The following TIMD4 variants were observed in gnomAD, a reference collection of about 807,000 sequenced individuals.
TIMD4 encodes T-cell immunoglobulin and mucin domain-containing protein 4.
TIMD4 carries 31 observed loss-of-function variants against 41.2 expected under a neutral mutation model. The ratio of observed to expected loss-of-function variants is 0.75; its 90% CI spans 0.57 to 1.01. The LOEUF is 1.01. Ranked by LOEUF, TIMD4 falls within the 50% of genes least tolerant of loss-of-function variation. The probability of loss-of-function intolerance (pLI) is 0.00; values close to 1 mark genes in which losing one functional copy is unlikely to be tolerated. For missense variants in TIMD4, 479 were observed against 472.5 expected, an observed-to-expected ratio of 1.01 and a Z score of -0.13; for synonymous variants, 204 against 177.1, an observed-to-expected ratio of 1.15 and a Z score of -1.21.
intron 1 of TIMD4, 105 bp from the exon 2 acceptor site, chr5:156,954,861 G>A (rs1759942373): frequency 4.1e-6 from 4 of 970,974 alleles, no homozygotes; most frequent in Non-Finnish European, 6.0e-6. Flanking sequence ...GAAGAAAGCT[G>A]TAGTCTATGT....
At position 156,922,117 on chromosome 5, in the gene TIMD4, C is replaced by G; in HGVS notation, c.994G>C (p.Val332Leu). Residue 332 changes from valine to leucine, a missense_variant, in exon 7 of 9, where the codon GTG becomes CTG. Coordinates refer to ENST00000274532, the MANE Select transcript of TIMD4 (RefSeq NM_138379.3). Reference sequence around the variant, plus strand: ...TCCTTACCTCTCAGGAGAAACGCCACAAACAATGCGAAGAGCACAAATCCC... The same window carrying G: ...TCCTTACCTCTCAGGAGAAACGCCAGAAACAATGCGAAGAGCACAAATCCC... ...SLGFVLFALFVAFLLRGKLME... is the reference protein window; with the variant it reads ...SLGFVLFALFLAFLLRGKLME... 6.2e-7 allele frequency: 1 copy of G among 1,613,842 alleles called. No individual in the cohort carries two copies. The highest frequency in any genetic ancestry group is 8.5e-7 in the Non-Finnish European group (1 of 1,179,888).
At chr5:156,950,911 CA>C (rs1401288076) in intron 3 of TIMD4, among the ~76,000 whole-genome samples, 1 of 151,762 alleles carries the variant, frequency 6.6e-6, no homozygotes, top group East Asian at 1.9e-4. Context: ...TTGGAGAACC[CA>C]AAATGCTGAC....
chr5:156,953,775 G>A (rs904962864), intron 2 of TIMD4, among the ~76,000 whole-genome samples: 2 of 152,042 alleles, frequency 1.3e-5, no homozygotes, highest in African/African-American at 4.8e-5. Flanking sequence ...ACTGATGCAG[G>A]TGGAATACAG....
At chr5:156,946,077 A>G (rs965412662) in intron 5 of TIMD4, among the ~76,000 whole-genome samples, 1 of 152,238 alleles carries the variant, frequency 6.6e-6, no homozygotes, top group African/African-American at 2.4e-5. Flanking sequence ...AATGAAAACT[A>G]TAAAGAAGCT....
intron 2 of TIMD4, 39 bp from the exon 3 acceptor site, chr5:156,951,829 A>C: frequency 6.2e-7 from 1 of 1,609,934 alleles, no homozygotes. Context: ...CCAAGCGGAG[A>C]TGGAGGAAAA....
At chr5:156,936,880 C>T (rs895515410) in intron 5 of TIMD4, among the ~76,000 whole-genome samples, 1 of 148,018 alleles carries the variant, frequency 6.8e-6, no homozygotes, top group Admixed American at 6.8e-5. Context: ...TGCAGTGAGC[C>T]GAGATGGCGC....
intron 1 of TIMD4, among the ~76,000 whole-genome samples, chr5:156,959,995 A>T (rs1752501707): frequency 6.6e-6 from 1 of 152,062 alleles, no homozygotes; most frequent in African/African-American, 2.4e-5. Flanking sequence ...GTGAGCCGAG[A>T]TTGCACCATT....
intron 5 of TIMD4, among the ~76,000 whole-genome samples, chr5:156,934,419 C>G (rs865869829): frequency 1.2e-4 from 18 of 152,118 alleles, no homozygotes; most frequent in Middle Eastern, 3.4e-3. Flanking sequence ...CCACACCTAG[C>G]TAGTGTGTGT....
intron 5 of TIMD4, among the ~76,000 whole-genome samples, chr5:156,934,597 A>C (rs1031557896): frequency 6.6e-6 from 1 of 152,108 alleles, no homozygotes; most frequent in South Asian, 2.1e-4. Context: ...TGGCCAAATT[A>C]TCACATTTAA....
At chr5:156,949,132 G>T (rs1002075996) in intron 4 of TIMD4, among the ~76,000 whole-genome samples, 9 of 152,160 alleles carry the variant, frequency 5.9e-5, no homozygotes, top group African/African-American at 2.2e-4. Flanking sequence ...TTATTTCAGG[G>T]TATACCCCGT....
At chr5:156,932,902 G>T (rs563285756) in intron 5 of TIMD4, among the ~76,000 whole-genome samples, 3 of 152,064 alleles carry the variant, frequency 2.0e-5, no homozygotes, top group African/African-American at 7.2e-5. Context: ...TACTCCGGAG[G>T]TTGAGGCAAG....
chr5:156,947,217 A>G (rs944802234), intron 5 of TIMD4, among the ~76,000 whole-genome samples: 1 of 147,586 alleles, frequency 6.8e-6, no homozygotes. Context: ...ATAAAATAGA[A>G]AGAAAGAAAA....
chr5:156,923,577 G>T (rs892991316), intron 6 of TIMD4, among the ~76,000 whole-genome samples: 9 of 150,166 alleles, frequency 6.0e-5, no homozygotes, highest in Non-Finnish European at 1.0e-4. Flanking sequence ...TCTTGCTCTT[G>T]CCCAGGCTGG....
intron 5 of TIMD4, among the ~76,000 whole-genome samples, chr5:156,944,070 A>T (rs1038858784): frequency 6.6e-6 from 1 of 151,910 alleles, no homozygotes; most frequent in African/African-American, 2.4e-5. Context: ...CAAAAAAAAA[A>T]AAAGAAATAA....
intron 5 of TIMD4, among the ~76,000 whole-genome samples, chr5:156,940,149 G>T (rs1759614669): frequency 6.6e-6 from 1 of 152,230 alleles, no homozygotes; most frequent in East Asian, 1.9e-4. Flanking sequence ...GTGGAGACGG[G>T]GTTTCGCCCT....
intron 5 of TIMD4, among the ~76,000 whole-genome samples, chr5:156,943,709 G>A (rs1241792871): frequency 1.3e-5 from 2 of 152,008 alleles, no homozygotes; most frequent in African/African-American, 4.8e-5. Flanking sequence ...GAGGCCTTTT[G>A]GGAGAAACTG....
At chr5:156,938,361 A>G (rs891854459) in intron 5 of TIMD4, among the ~76,000 whole-genome samples, 2 of 152,028 alleles carry the variant, frequency 1.3e-5, no homozygotes, top group African/African-American at 2.4e-5. Flanking sequence ...TGATTTCTTG[A>G]CCCCACTGCC....
Position 156,951,632 on chromosome 5 carries a change from T to C in TIMD4, c.559A>G (p.Thr187Ala), listed in dbSNP as rs1197834080. 2 of 1,614,100 alleles carry C rather than the reference T, an allele frequency of 1.2e-6. No individual in the cohort carries two copies. Among genetic ancestry groups the C allele is most frequent in the South Asian group, 2.2e-5 (2 of 91,066 alleles). ...TTTGCTGTTGTGAAGACGGCAATGG[T>C]TGTCATCTGGAGTGGTGTTCCGGTT... The part of the protein sequence containing the change: ...LTTGTPLQMT[T>A]IAVFTTANTC... Residue 187 changes from threonine to alanine, a missense_variant, in exon 3 of 9, where the codon ACC (threonine) becomes GCC (alanine). Coordinates refer to ENST00000274532, the MANE Select transcript of TIMD4 (RefSeq NM_138379.3).
intron 5 of TIMD4, among the ~76,000 whole-genome samples, chr5:156,927,869 G>A (rs991114161): frequency 7.2e-5 from 11 of 152,092 alleles, no homozygotes; most frequent in Admixed American, 2.6e-4. Context: ...CTGAGTGACC[G>A]TGGGGCACAT....
Sources: allele counts gnomAD v4.1 joint callset (sites outside exome capture counted in the v4.1 genomes callset), GRCh38; gene constraint gnomAD v4.1.1; transcripts MANE v1.5; gene names NCBI Gene and HGNC (gene_info 2026-07-23, HGNC 2026-07-21).